DGAT2: variants seen among roughly 807,000 people sequenced by gnomAD.
DGAT2 encodes acyl-CoA retinol O-fatty-acyltransferase.
DGAT2 carries 33 observed loss-of-function variants against 48.4 expected under a neutral mutation model. The ratio of observed to expected loss-of-function variants is 0.68; its 90% confidence interval spans 0.52 to 0.91. DGAT2 has a LOEUF of 0.91. Ranked by LOEUF, DGAT2 falls within the 40% of genes least tolerant of loss-of-function variation. The pLI is 0.00. For synonymous variants in DGAT2, 191 were observed against 194.1 expected (o/e 0.98, Z 0.13); for missense variants, 446 against 493.7 (o/e 0.90, Z 0.92).
At position 75,790,179 on chromosome 11, in the gene DGAT2, G is replaced by GC. The variant is rs745363568; in HGVS notation, c.251-3dup. On this transcript the variant is annotated splice_polypyrimidine_tract_variant and intron_variant, in intron 2 of 7. Transcript: ENST00000228027. ...AGTAGGACCTGACCTGTGGCCATCT[G>GC]CCCCCCAGGAGTGGCCTGCAGTGCC... 2.5e-6 allele frequency: 4 copies of GC among 1,604,878 alleles called. No individual in the cohort carries two copies. Among genetic ancestry groups the GC allele is most frequent in the African/African-American group, 1.3e-5 (1 of 74,826 alleles).
chr11:75,771,795 C>T (rs1040088532), intron 1 of DGAT2, among the ~76,000 whole-genome samples: 1 of 152,160 alleles, frequency 6.6e-6, no homozygotes, highest in Non-Finnish European at 1.5e-5. Flanking sequence ...AAGGGCTCAT[C>T]TAGGCTGAGA....
At chr11:75,781,367 A>C (rs1412750330) in intron 1 of DGAT2, among the ~76,000 whole-genome samples, 1 of 152,170 alleles carries the variant, frequency 6.6e-6, no homozygotes, top group Non-Finnish European at 1.5e-5. Context: ...CTCTGCCTAG[A>C]ATATTTCTGA....
intron 5 of DGAT2, 66 bp downstream of exon 5, chr11:75,796,598 A>G: frequency 1.3e-6 from 2 of 1,502,124 alleles, no homozygotes; most frequent in Admixed American, 1.9e-5. Context: ...TCCATCGGGC[A>G]GGGTGACACA....
intron 1 of DGAT2, among the ~76,000 whole-genome samples, chr11:75,773,466 T>A (rs1287708769): frequency 6.6e-6 from 1 of 152,230 alleles, no homozygotes; most frequent in Non-Finnish European, 1.5e-5. Flanking sequence ...ATCTCACTCC[T>A]TCTATCTGGA....
At position 75,770,704 on chromosome 11, in the gene DGAT2, C is replaced by G. The variant is rs1322981536; in HGVS notation, c.121+1592C>G. 3.9e-5 allele frequency among the ~76,000 whole-genome samples: 6 copies of G among 152,206 alleles called. No individual in the cohort carries two copies. The East Asian group carries it at 1.2e-3, about 29-fold the overall frequency. On this transcript the variant is annotated intron_variant, in intron 1 of 7. Transcript: ENST00000228027. ...TCATGTTTTTGACTTAGAGTTTGTTCCTTAGGAGAACTTGTACTCTAGCGA... is the reference window on the plus strand; with the variant it reads ...TCATGTTTTTGACTTAGAGTTTGTTGCTTAGGAGAACTTGTACTCTAGCGA...
At chr11:75,799,717 G>A (rs575619082) in intron 7 of DGAT2, among the ~76,000 whole-genome samples, 14 of 151,756 alleles carry the variant, frequency 9.2e-5, no homozygotes, top group African/African-American at 3.1e-4. Flanking sequence ...AGTCTCAAGC[G>A]ATCCTCCCAC....
rs1006819027 is a variant in DGAT2 at position 75,800,652 on chromosome 11, T to C, written c.*144T>C. The C allele has an allele frequency of 8.5e-5, 90 of 1,062,460 alleles. No homozygotes were observed. The highest frequency in any genetic ancestry group is 1.1e-4 in the Non-Finnish European group (87 of 758,702). The allele number at this position is 1,062,460 out of a possible 1,614,324, so 65.8% of individuals were successfully genotyped here. On this transcript the variant is annotated 3_prime_UTR_variant, in exon 8 of 8. Transcript: ENST00000228027. The stretch of plus-strand genomic sequence containing the variant: ...TAAACCATTACAATGTTAGGTCTTT[T>C]TTAAGAAGGAAAAAGTCAGTATTTC...
chr11:75,783,363 C>G (rs2135767194), intron 1 of DGAT2, among the ~76,000 whole-genome samples: 1 of 152,354 alleles, frequency 6.6e-6, no homozygotes, highest in African/African-American at 2.4e-5. Context: ...CAGTTGTTAA[C>G]TTTCAGCTCA....
chr11:75,797,254 C>T lies in DGAT2; in HGVS notation c.731C>T (p.Ser244Phe). 1 of 1,581,578 alleles carries T rather than the reference C, an allele frequency of 6.3e-7. No individual in the cohort carries two copies. Among genetic ancestry groups the T allele is most frequent in the Non-Finnish European group, 8.6e-7 (1 of 1,163,868 alleles). ...IIIVVGGAAE[S>F]LSSMPGKNAV... ...ATCGTGGTCGGGGGTGCGGCTGAGT[C>T]TCTGAGCTCCATGCCTGGCAAGAAT... Residue 244 changes from serine to phenylalanine, a missense_variant, in exon 6 of 8, where the codon TCT (serine) becomes TTT (phenylalanine). Transcript: ENST00000228027.
chr11:75,781,658 C>T (rs1325247643), intron 1 of DGAT2, among the ~76,000 whole-genome samples: 1 of 152,258 alleles, frequency 6.6e-6, no homozygotes, highest in Non-Finnish European at 1.5e-5. Context: ...ACTTGGTAGA[C>T]TGCATTTCCC....
chr11:75,779,568 T>C (rs559359170), intron 1 of DGAT2, among the ~76,000 whole-genome samples: 60 of 152,312 alleles, frequency 3.9e-4, no homozygotes, highest in African/African-American at 1.4e-3. Flanking sequence ...AGGGGATTGC[T>C]TTCCGGGTGG....
chr11:75,778,768 A>C (rs1944828985), intron 1 of DGAT2, among the ~76,000 whole-genome samples: 3 of 139,108 alleles, frequency 2.2e-5, no homozygotes, highest in Non-Finnish European at 4.5e-5. Flanking sequence ...CTGGAGGCGG[A>C]GGTTGCAGCG....
intron 1 of DGAT2, among the ~76,000 whole-genome samples, chr11:75,779,245 T>A (rs888139949): frequency 3.3e-5 from 5 of 152,116 alleles, no homozygotes; most frequent in African/African-American, 1.2e-4. Flanking sequence ...ACATGAGACT[T>A]TGAGCATGAT....
rs1590859751 is a variant in DGAT2 at position 75,768,961 on chromosome 11, C to G, written c.-31C>G. 1 of 1,462,274 alleles carries G rather than the reference C, an allele frequency of 6.8e-7. No homozygotes were observed. Among genetic ancestry groups the G allele is most frequent in the Non-Finnish European group, 9.0e-7 (1 of 1,109,070 alleles). 90.6% of individuals were successfully genotyped at this position (1,462,274 alleles called of 1,614,324 possible). The stretch of plus-strand genomic sequence containing the variant: ...CAGGGGCGCGGGGTGAAGCGGCTTC[C>G]CGCGGGGCCGTGACTGGGCGGGCTT... On this transcript the variant is annotated 5_prime_UTR_variant, in exon 1 of 8. Transcript: ENST00000228027.
intron 1 of DGAT2, among the ~76,000 whole-genome samples, chr11:75,780,362 T>C (rs1218627659): frequency 6.6e-6 from 1 of 152,186 alleles, no homozygotes; most frequent in Non-Finnish European, 1.5e-5. Context: ...TGAGCAACGG[T>C]ACCAGAACTA....
chr11:75,788,839 A>G lies in DGAT2; in HGVS notation c.251-1349A>G, dbSNP rs115185852. The stretch of plus-strand genomic sequence containing the variant: ...CCCTTGTGCTGAATGCCAAGGACCA[A>G]AGAAGATGCCTCCCCACCCAGTGTG... On this transcript the variant is annotated intron_variant, in intron 2 of 7. Transcript: ENST00000228027. Among the ~76,000 whole-genome samples, 708 of 152,320 alleles carry G rather than the reference A, an allele frequency of 4.6e-3. 8 individuals are homozygous for G. Among genetic ancestry groups the G allele is most frequent in the African/African-American group, 0.014 (596 of 41,562 alleles).
chr11:75,784,600 A>G lies in DGAT2; in HGVS notation c.122-18A>G. On this transcript the variant is annotated intron_variant, in intron 1 of 7. Coordinates refer to ENST00000228027, the MANE Select transcript of DGAT2 (RefSeq NM_032564.5). ...GAGAGAAGGGTGACAGTGGACTGAC[A>G]TCTTCCCTCTGCTGTAGGCACTGGA... is the stretch of plus-strand genomic sequence containing the variant. The G allele has an allele frequency of 6.2e-7, 1 of 1,613,588 alleles. No homozygotes were observed. The highest frequency in any genetic ancestry group is 1.3e-5 in the African/African-American group (1 of 74,998).
chr11:75,796,060 C>G, intron 4 of DGAT2: 1 of 454,058 alleles, frequency 2.2e-6, no homozygotes, highest in Non-Finnish European at 4.0e-6. Flanking sequence ...CAAAGAAGAG[C>G]TGCTGTGTGC....
In DGAT2 at chr11:75,801,427, G is replaced by A. The variant is rs1246550859; in HGVS notation, c.*919G>A. 1 of 152,664 alleles carries A rather than the reference G, an allele frequency of 6.6e-6. No individual in the cohort carries two copies. Among genetic ancestry groups the A allele is most frequent in the Non-Finnish European group, 1.5e-5 (1 of 68,076 alleles). The allele number at this position is 152,664 out of a possible 1,614,324, so 9.5% of individuals were successfully genotyped here. ...TGCCTTCCTGAGGGGGTTGGGCCGG[G>A]GAGGAAACCCAACCCTCTCCTGTGT... is the stretch of plus-strand genomic sequence containing the variant. On this transcript the variant is annotated 3_prime_UTR_variant, in exon 8 of 8. Coordinates refer to ENST00000228027, the MANE Select transcript of DGAT2 (RefSeq NM_032564.5).
Sources: allele counts gnomAD v4.1 joint callset (sites outside exome capture counted in the v4.1 genomes callset), GRCh38; gene constraint gnomAD v4.1.1; transcripts MANE v1.5; gene names NCBI Gene and HGNC (gene_info 2026-07-23, HGNC 2026-07-21).